Variants in ATP2B2 observed in about 807,000 individuals in gnomAD.
ATP2B2 encodes the protein ATPase plasma membrane Ca2+ transporting 2, also known as plasma membrane calcium-transporting ATPase 2.
ATP2B2 carries 15 observed loss-of-function variants against 120.0 expected under a neutral mutation model. The ratio of observed to expected loss-of-function variants is 0.12; its 90% CI spans 0.08 to 0.19. The LOEUF (loss-of-function observed/expected upper bound fraction) is 0.19, where lower values mean the gene tolerates loss of function less well. ATP2B2 is among the 10% of genes least tolerant of loss of function. ATP2B2 has a pLI of 1.00. For synonymous variants in ATP2B2, 694 were observed against 700.3 expected (o/e 0.99, Z 0.14); for missense variants, 1,045 against 1,719.8 (o/e 0.61, Z 6.94).
At chr3:10,476,986 A>C (rs183465757) in intron 1 of ATP2B2, among the ~76,000 whole-genome samples, 201 of 152,340 alleles carry the variant, frequency 1.3e-3, no homozygotes, top group African/African-American at 4.6e-3. Context: ...GAAGCCACTC[A>C]AAGTCACTTA....
chr3:10,405,349 C>T (rs1016946865), intron 3 of ATP2B2, among the ~76,000 whole-genome samples: 8 of 152,172 alleles, frequency 5.3e-5, no homozygotes, highest in African/African-American at 7.2e-5. Context: ...TTGGAGGGCA[C>T]TCACTCTGCC....
chr3:10,428,393 G>A (rs752975580), intron 2 of ATP2B2, among the ~76,000 whole-genome samples: 1 of 152,098 alleles, frequency 6.6e-6, no homozygotes, highest in Non-Finnish European at 1.5e-5. Context: ...GTGTTGGTTT[G>A]GAACTATTAC....
At chr3:10,459,966 C>T (rs1489517928) in intron 1 of ATP2B2, among the ~76,000 whole-genome samples, 1 of 152,236 alleles carries the variant, frequency 6.6e-6, no homozygotes, top group Non-Finnish European at 1.5e-5. Flanking sequence ...AACTTCTTTG[C>T]CGTTTTTCCT....
At chr3:10,650,254 T>C (rs377157200) in intron 1 of ATP2B2, among the ~76,000 whole-genome samples, 9 of 152,208 alleles carry the variant, frequency 5.9e-5, no homozygotes, top group Admixed American at 2.0e-4. Context: ...GAGGAACTTG[T>C]TGGGAACTGG....
Position 10,340,590 on chromosome 3 carries a change from A to C in ATP2B2, c.3032T>G (p.Ile1011Ser). Residue 1011 changes from isoleucine (I) to serine (S), a missense_variant, in exon 20 of 23, where the codon ATC (isoleucine) becomes AGC (serine). Around this residue, in one of 11 missense-constraint regions of ATP2B2, gnomAD observed 211 missense variants for 385.1 expected, o/e 0.55. Coordinates refer to ENST00000360273, the MANE Select transcript of ATP2B2 (RefSeq NM_001001331.4). This position sits in a 1 kb window ranked among gnomAD's most constrained non-coding sequence, Gnocchi z 5.0. ...TFVMMQLFNE[I>S]NARKIHGERN... ...CTCGCCGTGGATCTTGCGGGCGTTG[A>C]TCTCGTTGAAGAGCTGCATCATGAC... The C allele has an allele frequency of 6.2e-7, 1 of 1,614,200 alleles. No homozygotes were observed. Among genetic ancestry groups the C allele is most frequent in the Non-Finnish European group, 8.5e-7 (1 of 1,180,042 alleles).
chr3:10,425,346 T>C (rs190911392), intron 2 of ATP2B2, among the ~76,000 whole-genome samples: 5 of 152,228 alleles, frequency 3.3e-5, no homozygotes. Context: ...GAATGTTATT[T>C]AAATAATTCA....
intron 1 of ATP2B2, among the ~76,000 whole-genome samples, chr3:10,463,192 A>C (rs769543914): frequency 4.6e-5 from 7 of 151,540 alleles, no homozygotes; most frequent in Non-Finnish European, 8.8e-5. Flanking sequence ...CCATACTTTG[A>C]CCCTCCACCC....
At chr3:10,657,221 G>T (rs1176761352) in intron 1 of ATP2B2, among the ~76,000 whole-genome samples, 1 of 152,216 alleles carries the variant, frequency 6.6e-6, no homozygotes, top group Admixed American at 6.5e-5. Flanking sequence ...CGGGGTCACA[G>T]AAGTTCCACC....
At chr3:10,415,281 G>GTAC (rs1340013130) in intron 2 of ATP2B2, among the ~76,000 whole-genome samples, 1 of 152,220 alleles carries the variant, frequency 6.6e-6, no homozygotes, top group Non-Finnish European at 1.5e-5. Context: ...CCGGGTAGAT[G>GTAC]TACTGTGTCA....
intron 5 of ATP2B2, 141 bp from the exon 6 acceptor site, chr3:10,388,543 C>G: frequency 7.8e-7 from 1 of 1,280,268 alleles, no homozygotes; most frequent in Middle Eastern, 2.6e-4. Flanking sequence ...AAGATTCACA[C>G]TGTGTGTGTG....
chr3:10,559,339 G>A (rs2067850457), intron 2 of ATP2B2, among the ~76,000 whole-genome samples: 1 of 152,134 alleles, frequency 6.6e-6, no homozygotes, highest in African/African-American at 2.4e-5. Context: ...GGTGAACATA[G>A]TTAACAATAA....
intron 2 of ATP2B2, among the ~76,000 whole-genome samples, chr3:10,415,711 G>A (rs758312103): frequency 3.9e-5 from 6 of 152,174 alleles, no homozygotes; most frequent in South Asian, 2.1e-4. Context: ...AATGGCGTTC[G>A]AGATTCAATT....
chr3:10,331,299 G>C (rs1366695934), intron 22 of ATP2B2, among the ~76,000 whole-genome samples: 1 of 152,232 alleles, frequency 6.6e-6, no homozygotes, highest in African/African-American at 2.4e-5. Context: ...AAACAAAGAA[G>C]GCGCTGCAGG....
At chr3:10,380,799 C>G (rs1275446782) in intron 8 of ATP2B2, among the ~76,000 whole-genome samples, 2 of 152,230 alleles carry the variant, frequency 1.3e-5, no homozygotes, top group African/African-American at 4.8e-5. Flanking sequence ...CAAGCTTCCA[C>G]TTTCATAAAA....
At chr3:10,474,893 C>T (rs768687543) in intron 1 of ATP2B2, among the ~76,000 whole-genome samples, 7 of 152,238 alleles carry the variant, frequency 4.6e-5, no homozygotes, top group African/African-American at 7.2e-5. Context: ...TTGTGGGGAG[C>T]GGGCTGACCT....
intron 1 of ATP2B2, among the ~76,000 whole-genome samples, chr3:10,497,179 G>A (rs1479530945): frequency 6.6e-6 from 1 of 152,212 alleles, no homozygotes; most frequent in African/African-American, 2.4e-5. Flanking sequence ...TTACCCTGTG[G>A]ATCCCTGAAG....
At chr3:10,463,809 T>C (rs1454234827) in intron 1 of ATP2B2, among the ~76,000 whole-genome samples, 1 of 152,208 alleles carries the variant, frequency 6.6e-6, no homozygotes, top group Admixed American at 6.5e-5. Context: ...TTTGTACTTT[T>C]CTCCTTTGCC....
Position 10,539,226 on chromosome 3 carries a change from C to T in ATP2B2, c.-414-5093G>A, listed in dbSNP as rs919094786. On this transcript the variant is annotated intron_variant, in intron 2 of 21. Coordinates refer to the ATP2B2 transcript ENST00000646379. ...CACTGCTCAATGAAATAAAAGAGGA[C>T]ACCAACAAATGGAAGAACATTCCAT... 5.3e-5 allele frequency among the ~76,000 whole-genome samples: 8 copies of T among 152,086 alleles called. No individual in the cohort carries two copies. In the South Asian group the frequency reaches 1.7e-3, roughly 32 times the overall value.
At chr3:10,543,157 A>C (rs1209252251) in intron 2 of ATP2B2, among the ~76,000 whole-genome samples, 1 of 152,208 alleles carries the variant, frequency 6.6e-6, no homozygotes, top group East Asian at 1.9e-4. Context: ...CAGAACATAA[A>C]ATTTAAAAAA....
Sources: gnomAD v4.1 joint callset for allele counts (sites outside exome capture counted in the v4.1 genomes callset) on GRCh38, gnomAD v4.1.1 for gene constraint, gnomAD v4.1.1 regional missense constraint, Gnocchi (gnomAD v3.1) non-coding constraint, MANE v1.5 for transcripts, NCBI Gene and HGNC (gene_info 2026-07-23, HGNC 2026-07-21) for gene names.